Variants in PCDH15 observed in about 807,000 individuals in gnomAD.
PCDH15 encodes the protein protocadherin related 15, also known as protocadherin-15.
Under a neutral mutation model 178.5 loss-of-function variants are expected in PCDH15, and 129 were observed. The ratio of observed to expected loss-of-function variants is 0.72; its 90% CI spans 0.63 to 0.84. The LOEUF (loss-of-function observed/expected upper bound fraction) is 0.84. Ranked by LOEUF, PCDH15 falls within the 40% of genes least tolerant of loss-of-function variation. PCDH15 has a pLI of 0.00. For missense variants in PCDH15, 2,230 were observed against 2,099.9 expected (o/e 1.06, Z -1.21); for synonymous variants, 800 against 732.0 (o/e 1.09, Z -1.50).
At chr10:54,218,612 C>A (rs1011991870) in intron 9 of PCDH15, among the ~76,000 whole-genome samples, 1 of 152,278 alleles carries the variant, frequency 6.6e-6, no homozygotes. Flanking sequence ...TCATCAAATA[C>A]CAACCATGAA....
chr10:54,366,311 G>A (rs1486834842), intron 5 of PCDH15, among the ~76,000 whole-genome samples: 1 of 151,962 alleles, frequency 6.6e-6, no homozygotes, highest in African/African-American at 2.4e-5. Context: ...AACTGTGAAC[G>A]ATTTTTTTGG....
intron 3 of PCDH15, among the ~76,000 whole-genome samples, chr10:54,836,674 A>T (rs1953322496): frequency 6.6e-6 from 1 of 152,152 alleles, no homozygotes; most frequent in African/African-American, 2.4e-5. Context: ...CACACTAATA[A>T]CTACTTTAAT....
chr10:55,092,266 A>T (rs1227643807), intron 2 of PCDH15, among the ~76,000 whole-genome samples: 1 of 151,868 alleles, frequency 6.6e-6, no homozygotes. Flanking sequence ...CAGCACTTGA[A>T]ACAACCAAAA....
chr10:54,753,083 C>T (rs897229113), intron 1 of PCDH15, among the ~76,000 whole-genome samples: 1 of 152,172 alleles, frequency 6.6e-6, no homozygotes, highest in African/African-American at 2.4e-5. Flanking sequence ...GAGTTACCCA[C>T]ATATAAATAT....
At chr10:54,897,660 A>G (rs1299397875) in intron 2 of PCDH15, among the ~76,000 whole-genome samples, 7 of 152,164 alleles carry the variant, frequency 4.6e-5, no homozygotes, top group African/African-American at 9.6e-5. Context: ...ATGTTCTTAC[A>G]GCCAGAAACA....
At chr10:55,380,100 C>T (rs918631574) in intron 2 of PCDH15, among the ~76,000 whole-genome samples, 4 of 152,000 alleles carry the variant, frequency 2.6e-5, no homozygotes, top group African/African-American at 9.7e-5. Context: ...AGCCAGAACT[C>T]ACATGAGAAA....
At chr10:55,294,758 C>T (rs1208410893) in intron 1 of PCDH15, among the ~76,000 whole-genome samples, 1 of 152,116 alleles carries the variant, frequency 6.6e-6, no homozygotes, top group Non-Finnish European at 1.5e-5. Context: ...GAATTGCTCA[C>T]TCTCACATAT....
At chr10:54,559,021 G>A (rs1024703107) in intron 2 of PCDH15, among the ~76,000 whole-genome samples, 12 of 151,936 alleles carry the variant, frequency 7.9e-5, no homozygotes, top group South Asian at 2.1e-4. Context: ...CAAGAATTGC[G>A]CAGGTTCCTC....
intron 1 of PCDH15, among the ~76,000 whole-genome samples, chr10:54,746,939 A>T (rs1241320083): frequency 6.6e-6 from 1 of 152,216 alleles, no homozygotes; most frequent in Non-Finnish European, 1.5e-5. Context: ...TGGGTTTATC[A>T]GAGTATTATA....
At chr10:55,306,339 G>C (rs967262350) in intron 1 of PCDH15, among the ~76,000 whole-genome samples, 4 of 152,110 alleles carry the variant, frequency 2.6e-5, no homozygotes, top group African/African-American at 4.8e-5. Context: ...TTTACACTTG[G>C]GCTTTGCGAT....
rs2133664859 is a variant in PCDH15, at chr10:53,903,260, A to C, written c.3484T>G (p.Ser1162Ala). 1 of 1,613,122 alleles carries C rather than the reference A, an allele frequency of 6.2e-7. No homozygotes were observed. Among genetic ancestry groups the C allele is most frequent in the Non-Finnish European group, 8.5e-7 (1 of 1,179,456 alleles). Residue 1162 changes from serine to alanine, a missense_variant, in exon 26 of 38, where the codon TCT becomes GCT. By Grantham distance (99) the Ser-to-Ala change is moderately conservative. Transcript: ENST00000644397. Reference protein sequence around the residue: ...GVSEDARMFTSVLRVKATDKD... With the variant: ...GVSEDARMFTAVLRVKATDKD... ...CCGCATACCTTCACTCTGAGTACAG[A>C]AGTAAACATTCTTGCATCTTCAGAT...
At chr10:54,798,398 C>T (rs1413659862) in intron 1 of PCDH15, among the ~76,000 whole-genome samples, 1 of 152,018 alleles carries the variant, frequency 6.6e-6, no homozygotes, top group Non-Finnish European at 1.5e-5. Context: ...TATCAAACCT[C>T]AAACAAAGTT....
intron 21 of PCDH15, among the ~76,000 whole-genome samples, chr10:53,978,698 T>A (rs1286728991): frequency 5.9e-5 from 9 of 151,628 alleles, no homozygotes; most frequent in Non-Finnish European, 1.2e-4. Flanking sequence ...AGGCTGCAAA[T>A]TTTTCAAGCT....
At chr10:53,898,705 C>G (rs1296224315) in intron 26 of PCDH15, among the ~76,000 whole-genome samples, 1 of 152,176 alleles carries the variant, frequency 6.6e-6, no homozygotes, top group Non-Finnish European at 1.5e-5. Flanking sequence ...GGAGACCTCC[C>G]TTAACAATCA....
rs531732452 is a variant in PCDH15, at chr10:55,389,831, C to T, written c.-155-223180G>A. ...TATTAAATACCAAAAAATGCCATAT[C>T]GGTGAAACATTTTAAAAATAAATAT... is the stretch of plus-strand genomic sequence containing the variant. On this transcript the variant is annotated intron_variant, in intron 2 of 5. Transcript: ENST00000613346. 3.9e-5 allele frequency among the ~76,000 whole-genome samples: 6 copies of T among 152,064 alleles called. No homozygotes were observed. The East Asian group carries it at 7.7e-4, about 20-fold the overall frequency.
chr10:55,049,318 G>A (rs993881911), intron 2 of PCDH15, among the ~76,000 whole-genome samples: 21 of 151,790 alleles, frequency 1.4e-4, no homozygotes, highest in African/African-American at 4.4e-4. Context: ...AGCATGCAAC[G>A]AACACTTCAG....
At chr10:54,505,469 C>T (rs9416372) in intron 3 of PCDH15, among the ~76,000 whole-genome samples, 2,941 of 152,192 alleles carry the variant, frequency 0.019, 102 homozygotes, top group African/African-American at 0.066. Context: ...GTTCTATCTG[C>T]TTTGGACATC....
chr10:54,164,212 A>G (rs2045984994), intron 13 of PCDH15, among the ~76,000 whole-genome samples: 1 of 152,158 alleles, frequency 6.6e-6, no homozygotes, highest in Admixed American at 6.6e-5. Flanking sequence ...AAAATGTATG[A>G]TATGTAGGAA....
chr10:55,201,639 G>C (rs989589995), intron 1 of PCDH15, among the ~76,000 whole-genome samples: 6 of 152,120 alleles, frequency 3.9e-5, no homozygotes. Flanking sequence ...GTTGTCTACT[G>C]CTGGTCCACA....
Sources: gnomAD v4.1 joint callset for allele counts (sites outside exome capture counted in the v4.1 genomes callset) on GRCh38, gnomAD v4.1.1 for gene constraint, MANE v1.5 for transcripts, NCBI Gene and HGNC (gene_info 2026-07-23, HGNC 2026-07-21) for gene names.